Variants in DOCK1 observed in about 807,000 individuals in gnomAD.
DOCK1 encodes the protein dedicator of cytokinesis protein 1.
A neutral mutation model predicts 262.7 loss-of-function variants in DOCK1; 138 were observed. The observed-to-expected ratio is 0.53, with a 90% CI of 0.46 to 0.61. DOCK1 has a LOEUF of 0.61. Ranked by LOEUF, DOCK1 falls within the 20% of genes least tolerant of loss-of-function variation. The probability of loss-of-function intolerance (pLI) is 0.00; values close to 1 mark genes in which losing one functional copy is unlikely to be tolerated. For synonymous variants in DOCK1, 866 were observed against 867.4 expected (o/e 1.00, Z 0.03); for missense variants, 1,908 against 2,370.7 (o/e 0.80, Z 4.05).
intron 29 of DOCK1, among the ~76,000 whole-genome samples, chr10:127,320,421 C>T (rs1231996208): frequency 6.6e-6 from 1 of 152,194 alleles, no homozygotes; most frequent in East Asian, 1.9e-4. Context: ...ATGCCCAGGG[C>T]TCCCTTGAGC....
intron 23 of DOCK1, among the ~76,000 whole-genome samples, chr10:127,088,144 T>G (rs1252148415): frequency 1.3e-5 from 2 of 152,214 alleles, no homozygotes; most frequent in African/African-American, 4.8e-5. Flanking sequence ...ACCAAGGGCC[T>G]CATATTTTTC....
chr10:127,349,126 G>A (rs943250237), intron 31 of DOCK1, among the ~76,000 whole-genome samples: 1 of 151,946 alleles, frequency 6.6e-6, no homozygotes, highest in Non-Finnish European at 1.5e-5. Context: ...TTCCCATGAA[G>A]TTAAAAATGC....
chr10:127,328,339 G>T (rs1350555609), intron 29 of DOCK1, among the ~76,000 whole-genome samples: 1 of 152,132 alleles, frequency 6.6e-6, no homozygotes, highest in African/African-American at 2.4e-5. Flanking sequence ...AAGCATTTCT[G>T]CCTTGAACCG....
intron 23 of DOCK1, among the ~76,000 whole-genome samples, chr10:127,105,196 C>G (rs574249366): frequency 6.6e-6 from 1 of 152,204 alleles, no homozygotes; most frequent in East Asian, 1.9e-4. Context: ...GATTATGAGG[C>G]CTTCCCAGCC....
intron 1 of DOCK1, among the ~76,000 whole-genome samples, chr10:126,944,275 G>T (rs1366069074): frequency 2.6e-5 from 4 of 151,868 alleles, no homozygotes; most frequent in Non-Finnish European, 5.9e-5. Context: ...GGAGAAGGAT[G>T]AACTCAGGGT....
chr10:127,212,313 G>A (rs138790019), intron 27 of DOCK1, among the ~76,000 whole-genome samples: 1 of 152,136 alleles, frequency 6.6e-6, no homozygotes, highest in Non-Finnish European at 1.5e-5. Flanking sequence ...CCTGGCCATC[G>A]TGTGACAACA....
chr10:127,030,977 G>C (rs1194566428), intron 16 of DOCK1, among the ~76,000 whole-genome samples: 1 of 152,192 alleles, frequency 6.6e-6, no homozygotes, highest in Non-Finnish European at 1.5e-5. Context: ...TGGAGGAGGT[G>C]ACATTTTGGC....
intron 27 of DOCK1, among the ~76,000 whole-genome samples, chr10:127,150,743 A>G (rs2052405208): frequency 6.6e-6 from 1 of 152,236 alleles, no homozygotes; most frequent in Non-Finnish European, 1.5e-5. Context: ...TGCTTTGGAA[A>G]GAGTGGGGTA....
At chr10:126,996,629 G>T in intron 6 of DOCK1, 119 bp from the exon 7 acceptor site, 4 of 963,564 alleles carry the variant, frequency 4.2e-6, no homozygotes, top group East Asian at 3.1e-5. Flanking sequence ...CTAATATTTT[G>T]GGCAAGCCCG....
chr10:127,072,010 A>G (rs1025248581), intron 23 of DOCK1, among the ~76,000 whole-genome samples: 1 of 152,150 alleles, frequency 6.6e-6, no homozygotes, highest in African/African-American at 2.4e-5. Flanking sequence ...AGGAACCTGA[A>G]CTTATTTTCT....
rs772851651 is a variant in DOCK1, at chr10:127,106,239, A to G, written c.2454A>G (p.Ala818=). The G allele has an allele frequency of 7.3e-5, 116 of 1,587,862 alleles. No individual in the cohort carries two copies. Among genetic ancestry groups the G allele is most frequent in the Non-Finnish European group, 9.1e-5 (106 of 1,165,420 alleles). The change falls in exon 24 of 52, where the codon GCA becomes GCG. Residue 818 remains alanine (A), a synonymous_variant. Transcript: ENST00000623213. ...TGTTTCTTGATTTGCAGGGGGCAGC[A>G]CTGAAATACTTACCAACGATCGTCA... is the stretch of plus-strand genomic sequence containing the variant. ...SDQTVRVKGA[A]LKYLPTIVND...
chr10:126,935,830 G>T (rs1348496228), intron 1 of DOCK1, among the ~76,000 whole-genome samples: 2 of 152,230 alleles, frequency 1.3e-5, no homozygotes, highest in African/African-American at 2.4e-5. Context: ...TGCCCTGCAG[G>T]CATCTACTGC....
intron 1 of DOCK1, among the ~76,000 whole-genome samples, chr10:126,940,992 C>T (rs1320657904): frequency 6.6e-6 from 1 of 152,204 alleles, no homozygotes; most frequent in African/African-American, 2.4e-5. Flanking sequence ...AGAAAGCAAA[C>T]AGATGGATAA....
intron 27 of DOCK1, chr10:127,154,040 T>C (rs986742178): frequency 2.8e-6 from 2 of 722,148 alleles, no homozygotes; most frequent in Admixed American, 2.1e-5. Context: ...GTCATGGAAA[T>C]TGATTAATGC....
intron 23 of DOCK1, among the ~76,000 whole-genome samples, chr10:127,069,835 G>A (rs1163245840): frequency 1.3e-5 from 2 of 152,200 alleles, no homozygotes; most frequent in Non-Finnish European, 2.9e-5. Flanking sequence ...GAGTCGAGGA[G>A]GTGAGTAGGC....
intron 27 of DOCK1, among the ~76,000 whole-genome samples, chr10:127,162,752 A>C (rs1413591): frequency 1.3e-5 from 2 of 152,218 alleles, no homozygotes; most frequent in East Asian, 3.9e-4. Context: ...AGGAGCCGAC[A>C]TAACGAGCCG....
At chr10:127,021,595 C>T (rs1232667910) in intron 13 of DOCK1, among the ~76,000 whole-genome samples, 1 of 152,038 alleles carries the variant, frequency 6.6e-6, no homozygotes, top group African/African-American at 2.4e-5. Context: ...GTGACTTGTC[C>T]AAGGTCACAC....
At chr10:127,076,420 G>A (rs966218592) in intron 23 of DOCK1, among the ~76,000 whole-genome samples, 4 of 152,212 alleles carry the variant, frequency 2.6e-5, no homozygotes, top group African/African-American at 9.6e-5. Flanking sequence ...AGAATCGCTT[G>A]AACCCGGGAG....
intron 27 of DOCK1, among the ~76,000 whole-genome samples, chr10:127,202,891 T>C (rs189699171): frequency 6.6e-6 from 1 of 152,280 alleles, no homozygotes; most frequent in African/African-American, 2.4e-5. Flanking sequence ...GAGGACAGAT[T>C]CTGACCAAAA....
Sources: allele counts gnomAD v4.1 joint callset (sites outside exome capture counted in the v4.1 genomes callset), GRCh38; gene constraint gnomAD v4.1.1; transcripts MANE v1.5; gene names NCBI Gene and HGNC (gene_info 2026-07-23, HGNC 2026-07-21).